The following MACROD2 variants were observed in gnomAD, a reference collection of about 807,000 sequenced individuals.
The protein encoded by MACROD2 is mono-ADP ribosylhydrolase 2.
A neutral mutation model predicts 70.4 loss-of-function variants in MACROD2; 36 were observed. That is an observed-to-expected ratio of 0.51 (90% CI 0.39 to 0.68). MACROD2 has a LOEUF of 0.68. Among genes scored for constraint, MACROD2 ranks in the 30% least tolerant of loss-of-function variants. MACROD2 has a pLI of 0.00. For missense variants in MACROD2, 496 were observed against 538.4 expected (o/e 0.92, Z 0.78); for synonymous variants, 172 against 178.8 (o/e 0.96, Z 0.30).
intron 5 of MACROD2, among the ~76,000 whole-genome samples, chr20:15,143,494 T>A (rs1187213858): frequency 6.6e-6 from 1 of 152,226 alleles, no homozygotes; most frequent in Non-Finnish European, 1.5e-5. Context: ...TTTCTTTTGC[T>A]GTGCAGAAGC....
chr20:14,443,727 A>G (rs2084152728), intron 3 of MACROD2, among the ~76,000 whole-genome samples: 1 of 152,162 alleles, frequency 6.6e-6, no homozygotes, highest in Non-Finnish European at 1.5e-5. Context: ...CTTGAGTAGC[A>G]TGAAATCAAA....
In MACROD2 at chr20:15,840,553, A is replaced by T. The variant is rs190023198; in HGVS notation, c.646-22192A>T. On this transcript the variant is annotated intron_variant, in intron 8 of 17. Transcript: ENST00000684519. ...ATGGCTTCAAAAAATGTCATAAATT[A>T]TGCCATGCTCACCTATATCTACTTC... 3.1e-4 allele frequency among the ~76,000 whole-genome samples: 47 copies of T among 152,332 alleles called. 1 individual carries two copies. In the East Asian group the frequency reaches 7.3e-3, roughly 24 times the overall value.
intron 6 of MACROD2, among the ~76,000 whole-genome samples, chr20:15,279,346 G>T (rs1386630758): frequency 6.6e-6 from 1 of 152,110 alleles, no homozygotes; most frequent in Non-Finnish European, 1.5e-5. Flanking sequence ...AAGCCGGGCT[G>T]CTTGGCCTGG....
intron 3 of MACROD2, among the ~76,000 whole-genome samples, chr20:14,220,621 G>A (rs915942466): frequency 6.6e-6 from 1 of 152,160 alleles, no homozygotes; most frequent in Admixed American, 6.5e-5. Context: ...TTTACCCTCT[G>A]CTCTTCTCCC....
intron 6 of MACROD2, among the ~76,000 whole-genome samples, chr20:15,421,958 G>A (rs143081661): frequency 6.6e-6 from 1 of 152,304 alleles, no homozygotes; most frequent in East Asian, 1.9e-4. Flanking sequence ...GATCTAAAAG[G>A]AACAAGGGAG....
chr20:15,162,193 T>C (rs2145876194), intron 5 of MACROD2, among the ~76,000 whole-genome samples: 1 of 152,060 alleles, frequency 6.6e-6, no homozygotes, highest in Middle Eastern at 3.4e-3. Flanking sequence ...GATCCCCAAG[T>C]TTTTGTTTTT....
At chr20:14,788,324 C>T (rs2072400370) in intron 5 of MACROD2, among the ~76,000 whole-genome samples, 1 of 151,966 alleles carries the variant, frequency 6.6e-6, no homozygotes, top group Non-Finnish European at 1.5e-5. Flanking sequence ...GTGGCTCACA[C>T]CTGTAATTCC....
At chr20:14,386,982 C>T (rs1348371786) in intron 3 of MACROD2, among the ~76,000 whole-genome samples, 1 of 152,184 alleles carries the variant, frequency 6.6e-6, no homozygotes, top group Admixed American at 6.5e-5. Flanking sequence ...GTAATAGAAT[C>T]AAAATTATGC....
At chr20:15,813,695 C>T (rs768518717) in intron 8 of MACROD2, among the ~76,000 whole-genome samples, 9 of 152,272 alleles carry the variant, frequency 5.9e-5, no homozygotes, top group Middle Eastern at 3.4e-3. Context: ...AGGAGGATCA[C>T]TTGAGCCCAG....
At chr20:14,819,383 G>GAA (rs142838363) in intron 5 of MACROD2, among the ~76,000 whole-genome samples, 18 of 103,214 alleles carry the variant, frequency 1.7e-4, no homozygotes, top group Non-Finnish European at 2.3e-4. Context: ...GTATTGATAA[G>GAA]AAAAAAAAAA....
intron 5 of MACROD2, among the ~76,000 whole-genome samples, chr20:15,228,290 G>C (rs540038466): frequency 1.1e-4 from 16 of 152,170 alleles, no homozygotes; most frequent in Middle Eastern, 3.4e-3. Context: ...ATATCTGCGT[G>C]AACTTATTAG....
chr20:14,127,484 G>T, intron 3 of MACROD2: 1 of 496,300 alleles, frequency 2.0e-6, no homozygotes, highest in Non-Finnish European at 3.7e-6. Context: ...GGCAGAGGTG[G>T]GTCAAATCAT....
At chr20:14,966,164 G>A (rs900046018) in intron 5 of MACROD2, among the ~76,000 whole-genome samples, 8 of 152,044 alleles carry the variant, frequency 5.3e-5, no homozygotes, top group African/African-American at 1.9e-4. Context: ...ACTGTCAATG[G>A]AATTATTTTA....
intron 15 of MACROD2, among the ~76,000 whole-genome samples, chr20:15,999,834 G>A (rs2147501448): frequency 6.6e-6 from 1 of 152,324 alleles, no homozygotes; most frequent in East Asian, 1.9e-4. Context: ...AGCTAGAATG[G>A]TGGTGCAGAA....
chr20:16,046,002 A>G (rs1351574524), intron 17 of MACROD2, among the ~76,000 whole-genome samples: 3 of 148,632 alleles, frequency 2.0e-5, no homozygotes, highest in Non-Finnish European at 4.5e-5. Flanking sequence ...TAAAAAAAAA[A>G]GAAAAAAACC....
chr20:15,753,493 C>T lies in MACROD2; in HGVS notation c.646-109252C>T, dbSNP rs149310730. On this transcript the variant is annotated intron_variant, in intron 8 of 17. Coordinates refer to ENST00000684519, the MANE Select transcript of MACROD2 (RefSeq NM_001351661.2). ...AATATTCCATGGTGTATATGTACCACATTTTCTTTATCCAATCCACTGTTG... is the reference window on the plus strand; with the variant it reads ...AATATTCCATGGTGTATATGTACCATATTTTCTTTATCCAATCCACTGTTG... 1.5e-3 allele frequency among the ~76,000 whole-genome samples: 230 copies of T among 152,294 alleles called. 2 individuals carry two copies. The highest frequency in any genetic ancestry group is 5.1e-3 in the African/African-American group (214 of 41,556).
At chr20:14,525,606 G>A (rs1467192536) in intron 4 of MACROD2, among the ~76,000 whole-genome samples, 1 of 152,230 alleles carries the variant, frequency 6.6e-6, no homozygotes, top group African/African-American at 2.4e-5. Flanking sequence ...ACAATGCCAT[G>A]TGGCCACCTG....
chr20:14,190,632 T>A (rs1271869543), intron 3 of MACROD2, among the ~76,000 whole-genome samples: 1 of 143,612 alleles, frequency 7.0e-6, no homozygotes, highest in Non-Finnish European at 1.5e-5. Context: ...AGCTTTATTT[T>A]ACCCACACCA....
chr20:15,611,966 A>G (rs971255814), intron 8 of MACROD2, among the ~76,000 whole-genome samples: 2 of 150,200 alleles, frequency 1.3e-5, no homozygotes, highest in Non-Finnish European at 3.0e-5. Flanking sequence ...TTTATTCCCT[A>G]GTTCTCCATC....
Sources: allele counts gnomAD v4.1 joint callset (sites outside exome capture counted in the v4.1 genomes callset), GRCh38; gene constraint gnomAD v4.1.1; transcripts MANE v1.5; gene names NCBI Gene and HGNC (gene_info 2026-07-23, HGNC 2026-07-21).